Variants in SORCS1 observed in about 807,000 individuals in gnomAD.
The protein encoded by SORCS1 is sortilin related VPS10 domain containing receptor 1, also known as VPS10 domain-containing receptor SorCS1.
SORCS1 carries 60 observed loss-of-function variants against 146.1 expected under a neutral mutation model. That is an observed-to-expected ratio of 0.41 (90% CI 0.33 to 0.51). The LOEUF (loss-of-function observed/expected upper bound fraction) is 0.51. Ranked by LOEUF, SORCS1 falls within the 20% of genes least tolerant of loss-of-function variation. The pLI is 0.21. For synonymous variants in SORCS1, 637 were observed against 584.0 expected, an observed-to-expected ratio of 1.09 and a Z score of -1.31; for missense variants, 1,352 against 1,487.6, an observed-to-expected ratio of 0.91 and a Z score of 1.50.
intron 2 of SORCS1, among the ~76,000 whole-genome samples, chr10:106,944,856 G>A (rs1265885867): frequency 1.7e-5 from 2 of 115,454 alleles, no homozygotes; most frequent in Non-Finnish European, 3.6e-5. Flanking sequence ...ATGGTAGAAA[G>A]AAGCAAGAAA....
intron 1 of SORCS1, among the ~76,000 whole-genome samples, chr10:107,050,296 G>T (rs966226545): frequency 6.6e-6 from 1 of 151,916 alleles, no homozygotes; most frequent in Non-Finnish European, 1.5e-5. Flanking sequence ...TACAGAAAAT[G>T]GTCACTTTTA....
At chr10:106,722,625 T>C (rs115118020) in intron 6 of SORCS1, among the ~76,000 whole-genome samples, 229 of 152,274 alleles carry the variant, frequency 1.5e-3, no homozygotes, top group African/African-American at 5.0e-3. Flanking sequence ...AGGTTACTTA[T>C]TCATGAAAAT....
chr10:106,728,384 T>C (rs535646798), intron 6 of SORCS1, among the ~76,000 whole-genome samples: 10 of 152,170 alleles, frequency 6.6e-5, no homozygotes, highest in Non-Finnish European at 1.3e-4. Context: ...AATGGAGACG[T>C]CACCACCAGA....
At chr10:107,014,195 T>C (rs911922732) in intron 1 of SORCS1, among the ~76,000 whole-genome samples, 3 of 141,898 alleles carry the variant, frequency 2.1e-5, no homozygotes, top group African/African-American at 8.1e-5. Context: ...GAGGTTGCGG[T>C]GAGCCAAGAT....
At chr10:106,614,961 T>A (rs12772601) in intron 21 of SORCS1, among the ~76,000 whole-genome samples, 1 of 151,986 alleles carries the variant, frequency 6.6e-6, no homozygotes, top group Non-Finnish European at 1.5e-5. Context: ...AGATTTTCTT[T>A]CTTTTAATTG....
At chr10:107,106,447 A>T (rs1461829396) in intron 1 of SORCS1, among the ~76,000 whole-genome samples, 1 of 152,224 alleles carries the variant, frequency 6.6e-6, no homozygotes, top group Non-Finnish European at 1.5e-5. Flanking sequence ...AGACCTGACA[A>T]CTACCTATTT....
At chr10:106,964,848 A>G (rs2139113138) in intron 1 of SORCS1, among the ~76,000 whole-genome samples, 1 of 151,482 alleles carries the variant, frequency 6.6e-6, no homozygotes, top group Middle Eastern at 3.4e-3. Flanking sequence ...TCCTGGCCTG[A>G]AATGATCCTC....
intron 2 of SORCS1, among the ~76,000 whole-genome samples, chr10:106,871,640 A>C (rs1165218298): frequency 6.6e-6 from 1 of 152,210 alleles, no homozygotes; most frequent in Non-Finnish European, 1.5e-5. Flanking sequence ...CTAACACAAG[A>C]ACAGAAAACC....
chr10:107,073,553 A>G (rs1471905432), intron 1 of SORCS1, among the ~76,000 whole-genome samples: 1 of 152,190 alleles, frequency 6.6e-6, no homozygotes, highest in Non-Finnish European at 1.5e-5. Context: ...AAAATGTCTG[A>G]TATGTATTAA....
intron 2 of SORCS1, among the ~76,000 whole-genome samples, chr10:106,887,112 T>C (rs1951030892): frequency 6.6e-6 from 1 of 152,218 alleles, no homozygotes; most frequent in Non-Finnish European, 1.5e-5. Flanking sequence ...ATCAGTCACA[T>C]GAGACAGTAT....
chr10:107,114,742 A>T (rs1299680145), intron 1 of SORCS1, among the ~76,000 whole-genome samples: 1 of 152,146 alleles, frequency 6.6e-6, no homozygotes, highest in Admixed American at 6.5e-5. Context: ...ATAGTAATGG[A>T]AGTCCTAGCC....
chr10:106,606,165 C>A (rs536732428), intron 23 of SORCS1, among the ~76,000 whole-genome samples: 2 of 151,960 alleles, frequency 1.3e-5, no homozygotes, highest in Non-Finnish European at 2.9e-5. Flanking sequence ...CATAATTATC[C>A]CCACTACAGA....
chr10:107,172,604 T>C, the SORCS1 span, among the ~76,000 whole-genome samples: 1 of 152,224 alleles, frequency 6.6e-6, no homozygotes, highest in East Asian at 1.9e-4. Context: ...GTCATCTATC[T>C]CTTAACCTCA....
At chr10:106,979,072 T>C (rs11193140) in intron 1 of SORCS1, among the ~76,000 whole-genome samples, 11,475 of 152,190 alleles carry the variant, frequency 0.075, 526 homozygotes, top group Middle Eastern at 0.11. Flanking sequence ...TATAAAATTT[T>C]GGAGGCTTGG....
At chr10:107,050,562 G>C (rs1960006261) in intron 1 of SORCS1, among the ~76,000 whole-genome samples, 1 of 152,070 alleles carries the variant, frequency 6.6e-6, no homozygotes, top group Non-Finnish European at 1.5e-5. Context: ...CTAAAAGTAG[G>C]CACAAAATGG....
chr10:106,745,483 C>T (rs1156303597), intron 5 of SORCS1, among the ~76,000 whole-genome samples: 1 of 151,876 alleles, frequency 6.6e-6, no homozygotes, highest in African/African-American at 2.4e-5. Flanking sequence ...TGAGCTTATT[C>T]ACCTTCATTA....
At chr10:106,986,812 T>C (rs1347467084) in intron 1 of SORCS1, among the ~76,000 whole-genome samples, 1 of 152,176 alleles carries the variant, frequency 6.6e-6, no homozygotes, top group African/African-American at 2.4e-5. Flanking sequence ...GGAATTTTTA[T>C]TTTGCTTTTT....
At chr10:106,750,902 A>C (rs998317918) in intron 5 of SORCS1, among the ~76,000 whole-genome samples, 1 of 149,302 alleles carries the variant, frequency 6.7e-6, no homozygotes, top group African/African-American at 2.5e-5. Context: ...TACTAAAAAT[A>C]TAAAAAAATC....
intron 2 of SORCS1, among the ~76,000 whole-genome samples, chr10:106,866,863 C>G (rs1267367240): frequency 1.3e-5 from 2 of 152,198 alleles, no homozygotes; most frequent in Non-Finnish European, 2.9e-5. Flanking sequence ...ACTTAATCTA[C>G]ACTGCACTTA....
Sources: allele counts gnomAD v4.1 joint callset (sites outside exome capture counted in the v4.1 genomes callset), GRCh38; gene constraint gnomAD v4.1.1; transcripts MANE v1.5; gene names NCBI Gene and HGNC (gene_info 2026-07-23, HGNC 2026-07-21).